Variants in GLYR1 observed in about 807,000 individuals in gnomAD.
The protein encoded by GLYR1 is cytokine-like nuclear factor N-PAC.
A neutral mutation model predicts 72.7 loss-of-function variants in GLYR1; 21 were observed. That is an observed-to-expected ratio of 0.29 (90% CI 0.20 to 0.42). GLYR1 has a LOEUF of 0.42. GLYR1 is among the 10% of genes least tolerant of loss of function. The pLI is 1.00. For synonymous variants in GLYR1, 392 were observed against 270.2 expected (o/e 1.45, Z -4.42); for missense variants, 594 against 712.1 (o/e 0.83, Z 1.89).
In GLYR1 at chr16:4,810,114, T is replaced by C. The variant is rs145115724; in HGVS notation, c.1587+1056A>G. Reference sequence around the variant, plus strand: ...AATCAGAAAACAAATTAACACGGATTAGTGGACATTTAAAGATTTATATAC... The same window carrying C: ...AATCAGAAAACAAATTAACACGGATCAGTGGACATTTAAAGATTTATATAC... On this transcript the variant is annotated intron_variant, in intron 15 of 15. Transcript: ENST00000321919. 2.2e-3 allele frequency among the ~76,000 whole-genome samples: 337 copies of C among 152,238 alleles called. 2 individuals are homozygous for C. Among genetic ancestry groups the C allele is most frequent in the African/African-American group, 7.8e-3 (323 of 41,538 alleles).
At chr16:4,839,971 C>A (rs1055228046) in intron 3 of GLYR1, 1 of 152,244 alleles carries the variant, frequency 6.6e-6, no homozygotes, top group African/African-American at 2.4e-5. Flanking sequence ...GGTCCAGTAA[C>A]CAATGGTGCC....
rs375057555 is a variant in GLYR1, at chr16:4,815,131, G to A, written c.907-484C>T. ...TTTTGGCTTTTTTTTTTTGAGACAA[G>A]GTTTTGCTCTGTCACCCAGGCTGGA... On this transcript the variant is annotated intron_variant, in intron 10 of 15. Transcript: ENST00000321919. Among the ~76,000 whole-genome samples the A allele has an allele frequency of 6.6e-5, 10 of 151,870 alleles. No homozygotes were observed. The South Asian group carries it at 2.1e-3, about 32-fold the overall frequency.
chr16:4,821,390 T>C lies in GLYR1; in HGVS notation c.796A>G (p.Thr266Ala). 6.2e-7 allele frequency: 1 copy of C among 1,613,068 alleles called. No homozygotes were observed. Among genetic ancestry groups the C allele is most frequent in the Non-Finnish European group, 8.5e-7 (1 of 1,180,030 alleles). ...STAVNGSITP[T>A]DKKIGFLGLG... ...CATCAAAGGTCCTACTTTTTGTCTG[T>C]GGGTGTGATGCTGCCATTCACGGCT... is the stretch of plus-strand genomic sequence containing the variant. The change falls in exon 9 of 16, where the codon ACA (threonine) becomes GCA (alanine). Residue 266 changes from threonine (T) to alanine (A), a missense_variant. By Grantham distance (58) the Thr-to-Ala change is moderately conservative. Coordinates refer to ENST00000321919, the MANE Select transcript of GLYR1 (RefSeq NM_032569.4).
chr16:4,814,043 G>C (rs1379079848), intron 11 of GLYR1: 2 of 431,204 alleles, frequency 4.6e-6, no homozygotes, highest in African/African-American at 4.2e-5. Context: ...ATCTATGTGA[G>C]TGTGTGCATT....
At chr16:4,809,890 C>G (rs1312015447) in intron 15 of GLYR1, among the ~76,000 whole-genome samples, 1 of 151,874 alleles carries the variant, frequency 6.6e-6, no homozygotes, top group African/African-American at 2.4e-5. Context: ...CGACACTGCA[C>G]TCCAGCCTGG....
At position 4,804,868 on chromosome 16, in the gene GLYR1, G is replaced by C. The variant is rs1160270820; in HGVS notation, c.*368C>G. 2 of 265,226 alleles carry C rather than the reference G, an allele frequency of 7.5e-6. No homozygotes were observed. Among genetic ancestry groups the C allele is most frequent in the Non-Finnish European group, 1.5e-5 (2 of 133,860 alleles). 16.4% of individuals were successfully genotyped at this position (265,226 alleles called of 1,614,324 possible). Reference sequence around the variant, plus strand: ...CTTGACTGGAAGGGGTTTGAGATAAGACAAGCTCGGAAGAAAAAAAGCCAG... The same window carrying C: ...CTTGACTGGAAGGGGTTTGAGATAACACAAGCTCGGAAGAAAAAAAGCCAG... On this transcript the variant is annotated 3_prime_UTR_variant, in exon 16 of 16. Transcript: ENST00000321919.
intron 11 of GLYR1, chr16:4,814,040 T>C (rs1179334549): frequency 2.2e-6 from 1 of 456,774 alleles, no homozygotes. Context: ...AGAATCTATG[T>C]GAGTGTGTGC....
At chr16:4,821,164 A>G in intron 9 of GLYR1, 1 of 594,304 alleles carries the variant, frequency 1.7e-6, no homozygotes, top group Non-Finnish European at 3.0e-6. Context: ...GGAGCCAAAA[A>G]AATCCCTCAG....
In GLYR1 at chr16:4,805,226, T is replaced by C; in HGVS notation, c.*10A>G. Reference sequence around the variant, plus strand: ...GGGGATTGGAGGGGTGAGGGCGGGGTGTCGACAGCTTAGTGTATGTAGGCT... The same window carrying C: ...GGGGATTGGAGGGGTGAGGGCGGGGCGTCGACAGCTTAGTGTATGTAGGCT... On this transcript the variant is annotated 3_prime_UTR_variant, in exon 16 of 16. Coordinates refer to ENST00000321919, the MANE Select transcript of GLYR1 (RefSeq NM_032569.4). 2 of 1,612,806 alleles carry C rather than the reference T, an allele frequency of 1.2e-6. No individual in the cohort carries two copies. Among genetic ancestry groups the C allele is most frequent in the Non-Finnish European group, 1.7e-6 (2 of 1,179,314 alleles).
chr16:4,833,211 C>G lies in GLYR1; in HGVS notation c.156-299G>C, dbSNP rs970398199. 18 of 238,166 alleles carry G rather than the reference C, an allele frequency of 7.6e-5. 1 individual carries two copies. Among genetic ancestry groups the G allele is most frequent in the African/African-American group, 4.1e-4 (18 of 44,360 alleles). The allele number at this position is 238,166 out of a possible 1,614,324, so 14.8% of individuals were successfully genotyped here. ...TATTTCCACAATCGTCTATCAGCCT[C>G]CAATGCCCAACCACATATACGCTGC... On this transcript the variant is annotated intron_variant, in intron 3 of 15. Transcript: ENST00000321919.
At chr16:4,837,942 A>C (rs1209735676) in intron 3 of GLYR1, among the ~76,000 whole-genome samples, 4 of 129,298 alleles carry the variant, frequency 3.1e-5, no homozygotes, top group South Asian at 2.2e-4. Flanking sequence ...AAAATAAATA[A>C]ATAAATAAAT....
At chr16:4,813,955 G>T in intron 11 of GLYR1, 117 bp from the exon 12 acceptor site, 3 of 692,568 alleles carry the variant, frequency 4.3e-6, no homozygotes, top group Non-Finnish European at 7.0e-6. Context: ...ATTTCTATCA[G>T]CTGAAAAGGG....
chr16:4,812,286 C>A (rs1225185638), intron 12 of GLYR1, 38 bp from the exon 13 acceptor site: 1 of 1,591,320 alleles, frequency 6.3e-7, no homozygotes, highest in East Asian at 2.2e-5. Flanking sequence ...GGCCTCCCCT[C>A]TCCCAGCGCT....
chr16:4,821,526 G>T, intron 8 of GLYR1, 21 bp downstream of exon 8: 2 of 1,613,430 alleles, frequency 1.2e-6, no homozygotes, highest in Non-Finnish European at 8.5e-7. Context: ...ATTAAAATGG[G>T]GAGGCATGGA....
At position 4,808,278 on chromosome 16, in the gene GLYR1, TA is replaced by T. The variant is rs199895668; in HGVS notation, c.1587+2891del. Among the ~76,000 whole-genome samples the T allele has an allele frequency of 4.0e-3, 601 of 150,000 alleles. 13 individuals are homozygous for T. The East Asian group carries it at 0.074, about 19-fold the overall frequency. On this transcript the variant is annotated intron_variant, in intron 15 of 15. Coordinates refer to ENST00000321919, the MANE Select transcript of GLYR1 (RefSeq NM_032569.4). ...AAAATACAATTCAGGAACAGAGAAT[TA>T]TACTATGAAAAGCCAGGTGTCAAAA...
intron 1 of GLYR1, chr16:4,846,525 G>C (rs1450795904): frequency 3.1e-6 from 1 of 322,372 alleles, no homozygotes; most frequent in Non-Finnish European, 6.1e-6. Flanking sequence ...CCCTCCCTAA[G>C]TCTGGTTTAA....
At chr16:4,809,004 C>T (rs576647785) in intron 15 of GLYR1, among the ~76,000 whole-genome samples, 1 of 152,050 alleles carries the variant, frequency 6.6e-6, no homozygotes, top group South Asian at 2.1e-4. Flanking sequence ...CTTAAAACAT[C>T]ATTTGAAAAA....
intron 3 of GLYR1, among the ~76,000 whole-genome samples, chr16:4,836,888 G>A (rs576908010): frequency 6.6e-6 from 1 of 151,944 alleles, no homozygotes; most frequent in East Asian, 1.9e-4. Context: ...CGACTGCCCA[G>A]AGGGTTTCCT....
rs770928215 is a variant in GLYR1, at chr16:4,813,690, C to A, written c.1119+47G>T. The A allele has an allele frequency of 6.0e-6, 9 of 1,487,800 alleles. No homozygotes were observed. The South Asian group carries it at 1.1e-4, about 18-fold the overall frequency. The allele number at this position is 1,487,800 out of a possible 1,614,324, so 92.2% of individuals were successfully genotyped here. ...CACTCTTGTAAGCCTGGGTCTTGGG[C>A]TCTGATAGAAAAGATGCTGGAGAGC... On this transcript the variant is annotated intron_variant, in intron 12 of 15. Coordinates refer to ENST00000321919, the MANE Select transcript of GLYR1 (RefSeq NM_032569.4).
Sources: allele counts gnomAD v4.1 joint callset (sites outside exome capture counted in the v4.1 genomes callset), GRCh38; gene constraint gnomAD v4.1.1; transcripts MANE v1.5; gene names NCBI Gene and HGNC (gene_info 2026-07-23, HGNC 2026-07-21).